KCNAB1: variants seen among roughly 807,000 people sequenced by gnomAD.
KCNAB1 encodes potassium voltage-gated channel subfamily A regulatory beta subunit 1, also known as voltage-gated potassium channel subunit beta-1.
In KCNAB1, 35 loss-of-function variants were observed where a neutral mutation model predicts 64.6. The ratio of observed to expected loss-of-function variants is 0.54; its 90% CI spans 0.41 to 0.72. The LOEUF is 0.72. KCNAB1 is among the 30% of genes least tolerant of loss of function. The pLI is 0.00. For missense variants in KCNAB1, 401 were observed against 512.9 expected, an observed-to-expected ratio of 0.78 and a Z score of 2.11; for synonymous variants, 177 against 183.8, an observed-to-expected ratio of 0.96 and a Z score of 0.30.
At chr3:156,437,884 C>A (rs2108254873) in intron 2 of KCNAB1, among the ~76,000 whole-genome samples, 1 of 152,320 alleles carries the variant, frequency 6.6e-6, no homozygotes, top group South Asian at 2.1e-4. Context: ...TATTGTCTCT[C>A]TTCCTGTCAC....
intron 1 of KCNAB1, among the ~76,000 whole-genome samples, chr3:156,284,406 A>T (rs1190526926): frequency 6.6e-6 from 1 of 152,190 alleles, no homozygotes; most frequent in East Asian, 1.9e-4. Flanking sequence ...TGCAGAAGTT[A>T]CTGCTGTCTT....
chr3:156,497,878 G>T (rs529284433), intron 8 of KCNAB1, among the ~76,000 whole-genome samples: 1 of 152,150 alleles, frequency 6.6e-6, no homozygotes. Flanking sequence ...TAGGGTCTTC[G>T]AAAAGTTTGT....
At chr3:156,180,198 C>A (rs1394559416) in intron 1 of KCNAB1, among the ~76,000 whole-genome samples, 1 of 152,190 alleles carries the variant, frequency 6.6e-6, no homozygotes, top group Non-Finnish European at 1.5e-5. Flanking sequence ...CATGCCAATC[C>A]TATAAAGTAG....
chr3:156,172,075 A>T (rs1358797634), intron 1 of KCNAB1, among the ~76,000 whole-genome samples: 1 of 152,220 alleles, frequency 6.6e-6, no homozygotes, highest in East Asian at 1.9e-4. Context: ...ATCTCTAGGA[A>T]CAAGGTGAGC....
chr3:156,239,464 C>T (rs975209752), intron 1 of KCNAB1, among the ~76,000 whole-genome samples: 9 of 152,140 alleles, frequency 5.9e-5, no homozygotes, highest in African/African-American at 1.9e-4. Context: ...TTCCCCATTC[C>T]TCTTCCCACT....
At chr3:156,409,054 CCAGCCA>C (rs1315142734) in intron 1 of KCNAB1, among the ~76,000 whole-genome samples, 1 of 152,160 alleles carries the variant, frequency 6.6e-6, no homozygotes, top group Non-Finnish European at 1.5e-5. Context: ...GTCAACATAA[CCAGCCA>C]CAGTGTAGGA....
chr3:156,346,400 A>C (rs1724483446), intron 1 of KCNAB1, among the ~76,000 whole-genome samples: 1 of 152,172 alleles, frequency 6.6e-6, no homozygotes, highest in Admixed American at 6.5e-5. Context: ...GTGGTCTATG[A>C]CAAGTATGGT....
At chr3:156,389,582 G>C (rs1480527387) in intron 1 of KCNAB1, among the ~76,000 whole-genome samples, 1 of 152,196 alleles carries the variant, frequency 6.6e-6, no homozygotes, top group East Asian at 1.9e-4. Context: ...CTGTGAGAAA[G>C]GCAAATTGTC....
At chr3:156,198,913 A>ATTTTTTTTTTTTTTTTTTTTTTTTTTT (rs71138701) in intron 1 of KCNAB1, among the ~76,000 whole-genome samples, 1 of 21,294 alleles carries the variant, frequency 4.7e-5, no homozygotes, top group Non-Finnish European at 9.0e-5. Context: ...TTATATTTTG[A>ATTTTTTTTTTTTTTTTTTTTTTTTTTT]TTTTTTTTTT....
At chr3:156,275,969 T>A (rs1299673269) in intron 1 of KCNAB1, among the ~76,000 whole-genome samples, 3 of 152,130 alleles carry the variant, frequency 2.0e-5, no homozygotes, top group Non-Finnish European at 4.4e-5. Flanking sequence ...GTTTTTTTTT[T>A]CAAGAAGGTT....
At chr3:156,195,146 T>C (rs958071857) in intron 1 of KCNAB1, among the ~76,000 whole-genome samples, 1 of 152,226 alleles carries the variant, frequency 6.6e-6, no homozygotes, top group African/African-American at 2.4e-5. Flanking sequence ...TAGTATTCCA[T>C]GGTGTATATG....
chr3:156,179,458 G>A (rs1712656552), intron 1 of KCNAB1, among the ~76,000 whole-genome samples: 1 of 66,330 alleles, frequency 1.5e-5, no homozygotes, highest in South Asian at 4.9e-4. Context: ...CTTCCCCCGC[G>A]TTCTTCTGGC....
At chr3:156,141,433 T>C (rs1714701509) in intron 1 of KCNAB1, among the ~76,000 whole-genome samples, 1 of 152,194 alleles carries the variant, frequency 6.6e-6, no homozygotes, top group African/African-American at 2.4e-5. Flanking sequence ...CCATGACAAT[T>C]ATGAATTTGT....
At chr3:156,464,248 C>T (rs902903934) in intron 6 of KCNAB1, among the ~76,000 whole-genome samples, 2 of 152,180 alleles carry the variant, frequency 1.3e-5, no homozygotes, top group African/African-American at 2.4e-5. Flanking sequence ...ACCTGTATCA[C>T]TCGCTGTCAG....
intron 1 of KCNAB1, among the ~76,000 whole-genome samples, chr3:156,366,719 A>G (rs139897256): frequency 1.1e-4 from 16 of 152,366 alleles, no homozygotes; most frequent in African/African-American, 3.6e-4. Context: ...AGCCATGTTT[A>G]GAGCAATAAT....
At chr3:156,352,143 C>G (rs1243373809) in intron 1 of KCNAB1, among the ~76,000 whole-genome samples, 1 of 152,214 alleles carries the variant, frequency 6.6e-6, no homozygotes, top group African/African-American at 2.4e-5. Flanking sequence ...TGCGACTGTC[C>G]TGGGCCACAC....
intron 3 of KCNAB1, among the ~76,000 whole-genome samples, chr3:156,456,664 A>AT (rs1712451603): frequency 6.6e-6 from 1 of 152,222 alleles, no homozygotes. Context: ...AATTAAAATT[A>AT]TTTGTGAGGT....
chr3:156,282,224 C>T (rs1241828319), intron 1 of KCNAB1, among the ~76,000 whole-genome samples: 4 of 148,890 alleles, frequency 2.7e-5, no homozygotes, highest in South Asian at 2.3e-4. Context: ...TCGTTATGTA[C>T]CCAGTAGTCA....
intron 8 of KCNAB1, among the ~76,000 whole-genome samples, chr3:156,494,168 C>A (rs1468754809): frequency 6.6e-6 from 1 of 152,116 alleles, no homozygotes; most frequent in African/African-American, 2.4e-5. Context: ...GGGAAGGGGG[C>A]AGATTGGCAT....
Sources: allele counts gnomAD v4.1 joint callset (sites outside exome capture counted in the v4.1 genomes callset), GRCh38; gene constraint gnomAD v4.1.1; transcripts MANE v1.5; gene names NCBI Gene and HGNC (gene_info 2026-07-23, HGNC 2026-07-21).